The following VPS37C variants were observed in gnomAD, a reference collection of about 807,000 sequenced individuals.
The protein encoded by VPS37C is VPS37C subunit of ESCRT-I.
In VPS37C, 9 loss-of-function variants were observed where a neutral mutation model predicts 16.1. That is an observed-to-expected ratio of 0.56 (90% confidence interval 0.34 to 0.97). The LOEUF (loss-of-function observed/expected upper bound fraction) is 0.97. Ranked by LOEUF, VPS37C falls within the 50% of genes least tolerant of loss-of-function variation. VPS37C has a pLI of 0.02. For missense variants in VPS37C, 479 were observed against 472.7 expected, an observed-to-expected ratio of 1.01 and a Z score of -0.12; for synonymous variants, 207 against 206.4, an observed-to-expected ratio of 1.00 and a Z score of -0.02.
chr11:61,142,975 T>TAAAAAA, intron 1 of VPS37C, among the ~76,000 whole-genome samples: 11 of 47,584 alleles, frequency 2.3e-4, no homozygotes, highest in East Asian at 6.5e-4. Flanking sequence ...AAAGAATAGC[T>TAAAAAA]AAAAAAAAAA....
intron 1 of VPS37C, chr11:61,143,393 T>A (rs2134641032): frequency 9.2e-6 from 1 of 108,960 alleles, no homozygotes; most frequent in Non-Finnish European, 1.8e-5. Flanking sequence ...TTTTTTTTTT[T>A]TTTAGATGGA....
At chr11:61,155,164 T>C (rs933464592) in intron 1 of VPS37C, among the ~76,000 whole-genome samples, 2 of 148,682 alleles carry the variant, frequency 1.3e-5, no homozygotes, top group Admixed American at 1.3e-4. Flanking sequence ...GGAGAAAAGA[T>C]ACATTACAAA....
At chr11:61,156,944 G>T (rs960966840) in intron 1 of VPS37C, among the ~76,000 whole-genome samples, 2 of 152,066 alleles carry the variant, frequency 1.3e-5, no homozygotes, top group African/African-American at 4.8e-5. Flanking sequence ...CTGTCTCTAC[G>T]AATTGGACTA....
At chr11:61,134,852 C>T (rs1005215151) in intron 2 of VPS37C, among the ~76,000 whole-genome samples, 2 of 152,238 alleles carry the variant, frequency 1.3e-5, no homozygotes, top group African/African-American at 4.8e-5. Flanking sequence ...CTTCCCCAAG[C>T]CAAGCGGCAC....
At chr11:61,145,537 C>G (rs1041127061) in intron 1 of VPS37C, 1 of 152,602 alleles carries the variant, frequency 6.6e-6, no homozygotes, top group African/African-American at 2.4e-5. Context: ...ATGCCACAGC[C>G]ATCACCTGCT....
intron 1 of VPS37C, among the ~76,000 whole-genome samples, chr11:61,158,066 A>G (rs1202771618): frequency 6.6e-6 from 1 of 152,234 alleles, no homozygotes; most frequent in Non-Finnish European, 1.5e-5. Context: ...TAGAACCGTG[A>G]GCCAAATGAA....
intron 4 of VPS37C, 124 bp downstream of exon 4, chr11:61,133,131 C>T (rs1261901264): frequency 1.9e-6 from 2 of 1,059,648 alleles, no homozygotes; most frequent in Admixed American, 2.0e-5. Flanking sequence ...TGTCCTTCAC[C>T]TCTGCCATCT....
chr11:61,160,781 G>GTA (rs1435290961), intron 1 of VPS37C, among the ~76,000 whole-genome samples: 1 of 152,250 alleles, frequency 6.6e-6, no homozygotes, highest in Non-Finnish European at 1.5e-5. Flanking sequence ...TAATGGGTAT[G>GTA]TATACATCAG....
intron 1 of VPS37C, among the ~76,000 whole-genome samples, chr11:61,151,620 C>A (rs1273212085): frequency 6.6e-6 from 1 of 152,160 alleles, no homozygotes; most frequent in Non-Finnish European, 1.5e-5. Flanking sequence ...AATAAACAGT[C>A]GCTCGTGATT....
chr11:61,148,835 C>T (rs111801468), intron 1 of VPS37C, among the ~76,000 whole-genome samples: 248 of 152,344 alleles, frequency 1.6e-3, no homozygotes, highest in African/African-American at 5.4e-3. Context: ...AACTCTTGGG[C>T]TCAAGCAATC....
chr11:61,132,153 G>C lies in VPS37C; in HGVS notation c.735C>G (p.Tyr245Ter), dbSNP rs1351358585. 6.9e-7 allele frequency: 1 copy of C among 1,456,320 alleles called. No homozygotes were observed. The highest frequency in any genetic ancestry group is 9.1e-7 in the Non-Finnish European group (1 of 1,102,008). 90.2% of individuals were successfully genotyped at this position (1,456,320 alleles called of 1,614,324 possible). ...SFYSGPLGPT[Y>*]PAAQLGPRGA... ...CCCTGGGTCCAAGCTGGGCTGCCGG[G>C]TAAGTGGGGCCCAGAGGCCCGCTGT... The change falls in exon 5 of 5, where the codon TAC (tyrosine) becomes TAG (stop). Residue 245 changes from tyrosine (Y) to a stop codon, truncating the protein, a stop_gained. Coordinates refer to ENST00000301765, the MANE Select transcript of VPS37C (RefSeq NM_017966.5). LOFTEE classifies it low-confidence loss of function (END_TRUNC).
intron 1 of VPS37C, among the ~76,000 whole-genome samples, chr11:61,155,313 A>G (rs1490406171): frequency 6.6e-6 from 1 of 151,966 alleles, no homozygotes; most frequent in Admixed American, 6.6e-5. Context: ...GCAAGACCCT[A>G]TCTCTACAAA....
At chr11:61,150,056 C>T (rs11230611) in intron 1 of VPS37C, among the ~76,000 whole-genome samples, 13,921 of 152,116 alleles carry the variant, frequency 0.092, 662 homozygotes, top group Non-Finnish European at 0.11. Context: ...GGACTCCTCC[C>T]GAACCTGCTG....
chr11:61,141,967 G>C (rs756717757), intron 1 of VPS37C, among the ~76,000 whole-genome samples: 1 of 152,224 alleles, frequency 6.6e-6, no homozygotes, highest in Non-Finnish European at 1.5e-5. Flanking sequence ...TCTCATACAC[G>C]GAGGTCTCCA....
At chr11:61,158,382 T>G (rs1217641116) in intron 1 of VPS37C, among the ~76,000 whole-genome samples, 1 of 152,204 alleles carries the variant, frequency 6.6e-6, no homozygotes, top group Admixed American at 6.5e-5. Flanking sequence ...CTGCCTGAAT[T>G]GAAAGTTATA....
intron 4 of VPS37C, chr11:61,133,052 G>A (rs867068989): frequency 6.4e-5 from 44 of 692,790 alleles, no homozygotes; most frequent in East Asian, 3.0e-4. Flanking sequence ...ACTGTCACCC[G>A]TTTCTGCTTC....
intron 1 of VPS37C, among the ~76,000 whole-genome samples, chr11:61,153,643 C>T (rs1853335543): frequency 6.6e-6 from 1 of 152,198 alleles, no homozygotes; most frequent in Admixed American, 6.5e-5. Context: ...ACAGCACAGA[C>T]CCCTGACAGT....
At chr11:61,150,580 C>T (rs1298267764) in intron 1 of VPS37C, among the ~76,000 whole-genome samples, 3 of 143,732 alleles carry the variant, frequency 2.1e-5, no homozygotes, top group Non-Finnish European at 4.5e-5. Context: ...CCAAACAGAA[C>T]ATTTAATCCA....
chr11:61,157,881 G>A (rs2134660573), intron 1 of VPS37C, among the ~76,000 whole-genome samples: 1 of 152,298 alleles, frequency 6.6e-6, no homozygotes, highest in South Asian at 2.1e-4. Flanking sequence ...ACAGTAATGA[G>A]CTCTTGCTCT....
Sources: allele counts gnomAD v4.1 joint callset (sites outside exome capture counted in the v4.1 genomes callset), GRCh38; gene constraint gnomAD v4.1.1; transcripts MANE v1.5; gene names NCBI Gene and HGNC (gene_info 2026-07-23, HGNC 2026-07-21).